EGFLAM: variants seen among roughly 807,000 people sequenced by gnomAD.
EGFLAM encodes the protein EGF like, fibronectin type III and laminin G domains, also known as pikachurin.
A neutral mutation model predicts 113.1 loss-of-function variants in EGFLAM; 79 were observed. The ratio of observed to expected loss-of-function variants is 0.70; its 90% confidence interval spans 0.58 to 0.84. EGFLAM has a LOEUF of 0.84. Ranked by LOEUF, EGFLAM falls within the 40% of genes least tolerant of loss-of-function variation. The probability of loss-of-function intolerance (pLI) is 0.00; values close to 1 mark genes in which losing one functional copy is unlikely to be tolerated. For synonymous variants in EGFLAM, 504 were observed against 487.6 expected (o/e 1.03, Z -0.44); for missense variants, 1,265 against 1,291.6 (o/e 0.98, Z 0.32).
Position 38,284,980 on chromosome 5 carries a change from A to G in EGFLAM, c.97+26129A>G, listed in dbSNP as rs543573496. Among the ~76,000 whole-genome samples the G allele has an allele frequency of 7.7e-4, 118 of 152,346 alleles. 1 individual carries two copies. The highest frequency in any genetic ancestry group is 2.3e-3 in the African/African-American group (96 of 41,578). On this transcript the variant is annotated intron_variant, in intron 1 of 21. Transcript: ENST00000322350. ...AGTGACAATAGCTCTGTTATAAAGA[A>G]AAAACAAGACTCAATTGTTATCAAG...
chr5:38,331,192 G>A (rs904954802), intron 1 of EGFLAM, among the ~76,000 whole-genome samples: 1 of 152,028 alleles, frequency 6.6e-6, no homozygotes, highest in African/African-American at 2.4e-5. Flanking sequence ...AGACTCCCCC[G>A]TCATCAGCAT....
At chr5:38,342,832 G>T (rs2589785) in intron 3 of EGFLAM, among the ~76,000 whole-genome samples, 74,779 of 151,926 alleles carry the variant, frequency 0.49, 19,605 homozygotes, top group Admixed American at 0.59. Context: ...CATATGCTAC[G>T]GTACTAATAT....
At chr5:38,407,452 G>A (rs940356853) in intron 8 of EGFLAM, among the ~76,000 whole-genome samples, 3 of 152,060 alleles carry the variant, frequency 2.0e-5, no homozygotes, top group Admixed American at 1.3e-4. Context: ...ACCAAAATAC[G>A]CAGTTAAAGC....
intron 1 of EGFLAM, among the ~76,000 whole-genome samples, chr5:38,275,849 T>C (rs1757871313): frequency 6.6e-6 from 1 of 152,186 alleles, no homozygotes; most frequent in Non-Finnish European, 1.5e-5. Context: ...TTTAAGGAGA[T>C]TGAAATTATG....
chr5:38,313,432 A>G (rs952375010), intron 1 of EGFLAM, among the ~76,000 whole-genome samples: 2 of 152,230 alleles, frequency 1.3e-5, no homozygotes, highest in African/African-American at 4.8e-5. Flanking sequence ...ATGCTGTTTT[A>G]AATTTTAAGT....
chr5:38,448,152 G>A, intron 17 of EGFLAM, 149 bp from the exon 18 acceptor site: 1 of 840,104 alleles, frequency 1.2e-6, no homozygotes, highest in Non-Finnish European at 1.9e-6. Context: ...CTGTGAACCT[G>A]GCCAAATATG....
chr5:38,408,613 TC>T (rs1387342205), intron 9 of EGFLAM, among the ~76,000 whole-genome samples: 2 of 152,162 alleles, frequency 1.3e-5, no homozygotes, highest in Admixed American at 6.5e-5. Flanking sequence ...TGTGCATGCC[TC>T]CCCAGGGGGA....
chr5:38,458,323 C>T lies in EGFLAM; in HGVS notation c.2700C>T (p.Gly900=), dbSNP rs747031429. ...TCCAATGCCTTAGCTATAACCTGGGCAGTGGTGTGGCATCCATCATGGTGA... is the reference window on the plus strand; with the variant it reads ...TCCAATGCCTTAGCTATAACCTGGGTAGTGGTGTGGCATCCATCATGGTGA... ...DGALVFSYNL[G]SGVASIMVNG... The change falls in exon 20 of 22, where the codon GGC becomes GGT. Residue 900 remains glycine (G), a synonymous_variant. Transcript: ENST00000322350. The T allele has an allele frequency of 6.2e-7, 1 of 1,613,914 alleles. No individual in the cohort carries two copies. The highest frequency in any genetic ancestry group is 8.5e-7 in the Non-Finnish European group (1 of 1,179,910).
In EGFLAM at chr5:38,435,213, A is replaced by C; in HGVS notation, c.2243A>C (p.Asn748Thr). 1.2e-6 allele frequency: 2 copies of C among 1,614,144 alleles called. No individual in the cohort carries two copies. The highest frequency in any genetic ancestry group is 1.7e-6 in the Non-Finnish European group (2 of 1,180,020). The change falls in exon 16 of 22, where the codon AAC (asparagine) becomes ACC (threonine). Residue 748 changes from asparagine to threonine, a missense_variant. Physicochemically the swap from Asn to Thr is moderately conservative, Grantham distance 65. Transcript: ENST00000322350. ...CCCAATTATGATGATGTGAAGAAGA[A>C]CTCGGGTGTCCTGAAGCCTTTCAGC... ...GVPNYDDVKK[N>T]SGVLKPFSGS...
chr5:38,418,353 G>C, intron 12 of EGFLAM, 98 bp downstream of exon 12: 1 of 1,418,700 alleles, frequency 7.0e-7, no homozygotes, highest in Non-Finnish European at 9.5e-7. Flanking sequence ...GCAACATTAG[G>C]TGCTACCCTG....
At chr5:38,449,979 C>G (rs1384143540) in intron 18 of EGFLAM, among the ~76,000 whole-genome samples, 3 of 152,164 alleles carry the variant, frequency 2.0e-5, no homozygotes, top group Non-Finnish European at 4.4e-5. Context: ...CCCAGCTGCC[C>G]ATAAGCTGCA....
At position 38,425,163 on chromosome 5, in the gene EGFLAM, T is replaced by C. The variant is rs777678400; in HGVS notation, c.1810+71T>C. 555 of 1,545,886 alleles carry C rather than the reference T, an allele frequency of 3.6e-4. 2 individuals carry two copies. Among genetic ancestry groups the C allele is most frequent in the Admixed American group, 9.6e-5 (5 of 51,916 alleles). On this transcript the variant is annotated intron_variant, in intron 13 of 21. Transcript: ENST00000322350. ...TTGTGTAGATGTACTTTATCATCAA[T>C]ATAGTTTCTTTGTTAATTTGTTTGT...
At chr5:38,334,056 T>C (rs1026794217) in intron 1 of EGFLAM, among the ~76,000 whole-genome samples, 1 of 151,226 alleles carries the variant, frequency 6.6e-6, no homozygotes, top group Non-Finnish European at 1.5e-5. Context: ...CCCAAGTAGC[T>C]GGGATTACAG....
At chr5:38,292,018 G>C (rs543940796) in intron 1 of EGFLAM, among the ~76,000 whole-genome samples, 12 of 152,236 alleles carry the variant, frequency 7.9e-5, no homozygotes, top group Admixed American at 1.3e-4. Context: ...TTCTAACATG[G>C]TAACCCCAAC....
chr5:38,405,210 A>G (rs912796921), intron 6 of EGFLAM, among the ~76,000 whole-genome samples: 1 of 152,186 alleles, frequency 6.6e-6, no homozygotes, highest in African/African-American at 2.4e-5. Context: ...TATAAAAAAT[A>G]TGAATATTTA....
At chr5:38,431,393 A>T (rs1483442151) in intron 15 of EGFLAM, 105 bp downstream of exon 15, 14 of 1,100,284 alleles carry the variant, frequency 1.3e-5, no homozygotes, top group Non-Finnish European at 1.7e-5. Context: ...AACTACATGG[A>T]CTTCAGTGCC....
chr5:38,312,365 C>T (rs531135610), intron 1 of EGFLAM, among the ~76,000 whole-genome samples: 26 of 152,088 alleles, frequency 1.7e-4, no homozygotes, highest in African/African-American at 5.8e-4. Flanking sequence ...CCTCAGCCTC[C>T]GGAGTAGCTG....
chr5:38,442,523 T>C (rs1343070428), intron 17 of EGFLAM, among the ~76,000 whole-genome samples: 1 of 151,758 alleles, frequency 6.6e-6, no homozygotes, highest in African/African-American at 2.4e-5. Flanking sequence ...ACACAAGTAA[T>C]TCGGTTGTTA....
At chr5:38,338,675 C>T (rs1394687077) in intron 2 of EGFLAM, 23 bp from the exon 3 acceptor site, 1 of 1,612,158 alleles carries the variant, frequency 6.2e-7, no homozygotes, top group Non-Finnish European at 8.5e-7. Context: ...CTGCTCTCAC[C>T]AGGGTGTCTG....
Sources: allele counts gnomAD v4.1 joint callset (sites outside exome capture counted in the v4.1 genomes callset), GRCh38; gene constraint gnomAD v4.1.1; transcripts MANE v1.5; gene names NCBI Gene and HGNC (gene_info 2026-07-23, HGNC 2026-07-21).